Variants in RARRES1 observed in about 807,000 individuals in gnomAD.
RARRES1 encodes the protein retinoic acid receptor responder protein 1.
A neutral mutation model predicts 30.6 loss-of-function variants in RARRES1; 34 were observed. That is an observed-to-expected ratio of 1.11 (90% CI 0.84 to 1.48). The LOEUF is 1.48. Ranked by LOEUF, RARRES1 falls within the 40% of genes most tolerant of loss-of-function variation. The pLI is 0.00. For missense variants in RARRES1, 373 were observed against 386.5 expected (o/e 0.97, Z 0.29); for synonymous variants, 153 against 155.5 (o/e 0.98, Z 0.12).
intron 1 of RARRES1, among the ~76,000 whole-genome samples, chr3:158,725,106 G>A (rs1727644552): frequency 6.6e-6 from 1 of 152,180 alleles, no homozygotes; most frequent in Non-Finnish European, 1.5e-5. Context: ...TTACAGGTGT[G>A]AGCCAACATG....
At chr3:158,711,357 GA>G (rs535890382) in intron 2 of RARRES1, among the ~76,000 whole-genome samples, 23 of 152,184 alleles carry the variant, frequency 1.5e-4, no homozygotes, top group African/African-American at 5.5e-4. Context: ...GCTGCCTTAT[GA>G]ATTAGGTCCT....
Position 158,723,578 on chromosome 3 carries a change from G to A in RARRES1, c.276+8562C>T, listed in dbSNP as rs115913941. Among the ~76,000 whole-genome samples, 1,690 of 152,322 alleles carry A rather than the reference G, an allele frequency of 0.011. 13 individuals are homozygous for A. Among genetic ancestry groups the A allele is most frequent in the Middle Eastern group, 0.017 (5 of 294 alleles). On this transcript the variant is annotated intron_variant, in intron 1 of 5. Coordinates refer to ENST00000237696, the MANE Select transcript of RARRES1 (RefSeq NM_206963.2). The surrounding 1 kb of genome is among the most constrained non-coding windows in gnomAD (Gnocchi z 4.4). ...CAGTGGGGCCCAAGGAGCTCTTTGC[G>A]TGCGAATGCTTTGCTTTCTCAGGCT...
chr3:158,722,163 A>G (rs1452006003), intron 1 of RARRES1, among the ~76,000 whole-genome samples: 1 of 151,898 alleles, frequency 6.6e-6, no homozygotes, highest in African/African-American at 2.4e-5. Flanking sequence ...TTTTAAAGAA[A>G]ATTCCCTCCT....
intron 1 of RARRES1, 106 bp from the exon 2 acceptor site, chr3:158,713,965 G>T: frequency 2.0e-6 from 2 of 1,021,252 alleles, no homozygotes; most frequent in Non-Finnish European, 3.0e-6. Context: ...GGTGGCTGTA[G>T]CATTTATACC....
chr3:158,703,095 A>G (rs531840746), intron 4 of RARRES1, among the ~76,000 whole-genome samples: 1 of 152,284 alleles, frequency 6.6e-6, no homozygotes, highest in East Asian at 1.9e-4. Context: ...CTCTCTAATA[A>G]TCCCAACACC....
chr3:158,700,202 A>T (rs934314265), intron 4 of RARRES1, among the ~76,000 whole-genome samples: 1 of 147,674 alleles, frequency 6.8e-6, no homozygotes, highest in Non-Finnish European at 1.5e-5. Flanking sequence ...AATAATAATA[A>T]GTGTGTGTGT....
At chr3:158,713,280 A>G (rs1204471796) in intron 2 of RARRES1, among the ~76,000 whole-genome samples, 1 of 152,090 alleles carries the variant, frequency 6.6e-6, no homozygotes, top group Non-Finnish European at 1.5e-5. Context: ...AAAACAGGGA[A>G]CAGGAAACTT....
intron 1 of RARRES1, among the ~76,000 whole-genome samples, chr3:158,719,296 G>A (rs1011052124): frequency 1.4e-5 from 2 of 141,554 alleles, no homozygotes; most frequent in Non-Finnish European, 3.0e-5. Context: ...TTTTGAGACA[G>A]AGTCTCACTC....
chr3:158,704,845 C>A lies in RARRES1; in HGVS notation c.618G>T (p.Met206Ile). The A allele has an allele frequency of 3.1e-6, 5 of 1,614,090 alleles. No individual in the cohort carries two copies. The highest frequency in any genetic ancestry group is 4.2e-6 in the Non-Finnish European group (5 of 1,179,998). ...FLGSSYVMWE[M>I]TTQVSHYYLA... ...AGTAGTAGTGTGACACCTGTGTTGT[C>A]ATTTCCCACATCACGTAAGAGCTTC... is the stretch of plus-strand genomic sequence containing the variant. The change falls in exon 4 of 6, where the codon ATG becomes ATT. Residue 206 changes from methionine (M) to isoleucine (I), a missense_variant. Transcript: ENST00000237696.
intron 1 of RARRES1, among the ~76,000 whole-genome samples, chr3:158,720,984 C>T (rs563727388): frequency 6.6e-6 from 1 of 152,264 alleles, no homozygotes; most frequent in Admixed American, 6.5e-5. Flanking sequence ...ACACCTCAAC[C>T]CGTAACAGAT....
chr3:158,729,216 C>G lies in RARRES1; in HGVS notation c.276+2924G>C, dbSNP rs1727791598. On this transcript the variant is annotated intron_variant, in intron 1 of 5. Coordinates refer to ENST00000237696, the MANE Select transcript of RARRES1 (RefSeq NM_206963.2). ...CAGAAAAGACTTAAATAACCTTTCC[C>G]AAAGCCATTGGACTAAATGATGTTT... is the stretch of plus-strand genomic sequence containing the variant. Among the ~76,000 whole-genome samples the G allele has an allele frequency of 4.6e-5, 7 of 151,740 alleles. No individual in the cohort carries two copies. In the South Asian group the frequency reaches 1.5e-3, roughly 32 times the overall value.
rs748689522 is a variant in RARRES1, at chr3:158,710,912, C to CT, written c.360_361insA (p.Gly121ArgfsTer59). On this transcript the variant is annotated frameshift_variant, in exon 3 of 6. Coordinates refer to ENST00000237696, the MANE Select transcript of RARRES1 (RefSeq NM_206963.2). LOFTEE classifies it high-confidence loss of function. ...CGAGCAGAACATTTCCCCAAACGTC[C>CT]CTCACCTTCCTGAAGTAAAGACTGT... The CT allele has an allele frequency of 2.1e-5, 34 of 1,613,828 alleles. No individual in the cohort carries two copies. In the African/African-American group the frequency reaches 4.3e-4, roughly 20 times the overall value.
chr3:158,716,703 C>G (rs1559872677), intron 1 of RARRES1, among the ~76,000 whole-genome samples: 1 of 151,988 alleles, frequency 6.6e-6, no homozygotes, highest in Non-Finnish European at 1.5e-5. Flanking sequence ...CCTGCCTCAG[C>G]CTGCTGCATA....
intron 4 of RARRES1, among the ~76,000 whole-genome samples, chr3:158,702,491 C>G (rs2108130865): frequency 6.6e-6 from 1 of 152,204 alleles, no homozygotes; most frequent in African/African-American, 2.4e-5. Flanking sequence ...CTAGTATGTC[C>G]TAGTGGTAAA....
chr3:158,700,468 T>C (rs6768290), intron 4 of RARRES1, among the ~76,000 whole-genome samples: 61,820 of 151,946 alleles, frequency 0.41, 13,521 homozygotes, highest in African/African-American at 0.57. Flanking sequence ...ATAATGCTGG[T>C]AAAACCCTCT....
In RARRES1 at chr3:158,704,794, C is replaced by G. The variant is rs1421562916; in HGVS notation, c.669G>C (p.Gln223His). The G allele has an allele frequency of 6.2e-7, 1 of 1,611,086 alleles. No individual in the cohort carries two copies. The highest frequency in any genetic ancestry group is 1.1e-5 in the South Asian group (1 of 90,092). Residue 223 changes from glutamine (Q) to histidine (H), a missense_variant, in exon 4 of 6, where the codon CAG becomes CAC. Coordinates refer to ENST00000237696, the MANE Select transcript of RARRES1 (RefSeq NM_206963.2). ...YYLAQLTSVR[Q>H]WKTNDDTIDF... is the part of the protein sequence containing the mutation. ...TTAATTTTCAGGTTTTTCTTACCCA[C>G]TGCCTCACACTAGTGAGCTGTGCCA...
At chr3:158,729,633 T>C (rs1047963004) in intron 1 of RARRES1, among the ~76,000 whole-genome samples, 1 of 151,990 alleles carries the variant, frequency 6.6e-6, no homozygotes, top group African/African-American at 2.4e-5. Flanking sequence ...TTTGTATTTT[T>C]AGTAGAGAAG....
rs754539084 is a variant in RARRES1, at chr3:158,732,382, A to T, written c.34T>A (p.Trp12Arg). ...QPRRQRLPAP[W>R]SGPRGPRPTA... Reference sequence around the variant, plus strand: ...GGGCGCGGGCCCCTGGGCCCGGACCAGGGAGCAGGCAGCCGTTGCCGGCGG... The same window carrying T: ...GGGCGCGGGCCCCTGGGCCCGGACCTGGGAGCAGGCAGCCGTTGCCGGCGG... Residue 12 changes from tryptophan (W) to arginine (R), a missense_variant, in exon 1 of 6, where the codon TGG becomes AGG. Coordinates refer to ENST00000237696, the MANE Select transcript of RARRES1 (RefSeq NM_206963.2). The T allele has an allele frequency of 3.6e-3, 5,411 of 1,501,498 alleles. 18 individuals carry two copies. The highest frequency in any genetic ancestry group is 4.4e-3 in the Non-Finnish European group (4,924 of 1,130,912). 93.0% of individuals were successfully genotyped at this position (1,501,498 alleles called of 1,614,324 possible). A position where few individuals can be genotyped will look rare whatever the true frequency, so the allele number is the denominator to read the frequency against.
chr3:158,707,901 CT>C (rs768464379), intron 3 of RARRES1, among the ~76,000 whole-genome samples: 163 of 152,314 alleles, frequency 1.1e-3, no homozygotes, highest in Middle Eastern at 0.01. Context: ...ATATTTGGAA[CT>C]GAGGATTTCC....
Sources: allele counts gnomAD v4.1 joint callset (sites outside exome capture counted in the v4.1 genomes callset), GRCh38; gene constraint gnomAD v4.1.1; non-coding constraint Gnocchi (gnomAD v3.1); transcripts MANE v1.5; gene names NCBI Gene and HGNC (gene_info 2026-07-23, HGNC 2026-07-21).